ARFGEF2: variants seen among roughly 807,000 people sequenced by gnomAD.
ARFGEF2 encodes the protein brefeldin A-inhibited guanine nucleotide-exchange protein 2.
ARFGEF2 carries 74 observed loss-of-function variants against 219.9 expected under a neutral mutation model. The ratio of observed to expected loss-of-function variants is 0.34; its 90% CI spans 0.28 to 0.41. The LOEUF is 0.41. Ranked by LOEUF, ARFGEF2 falls within the 10% of genes least tolerant of loss-of-function variation. ARFGEF2 has a pLI of 1.00. For missense variants in ARFGEF2, 1,743 were observed against 2,218.3 expected, an observed-to-expected ratio of 0.79 and a Z score of 4.30; for synonymous variants, 733 against 799.2, an observed-to-expected ratio of 0.92 and a Z score of 1.40.
chr20:49,009,423 C>G (rs533140817), intron 26 of ARFGEF2, among the ~76,000 whole-genome samples: 62 of 151,276 alleles, frequency 4.1e-4, no homozygotes, highest in Non-Finnish European at 7.4e-4. Context: ...GCATTCCAGC[C>G]TGGGCAACAG....
intron 26 of ARFGEF2, among the ~76,000 whole-genome samples, chr20:49,006,061 C>T (rs1226431982): frequency 1.3e-5 from 2 of 151,922 alleles, no homozygotes; most frequent in African/African-American, 2.4e-5. Flanking sequence ...TTTGGGAGGC[C>T]GAGTCAGGTG....
intron 9 of ARFGEF2, among the ~76,000 whole-genome samples, chr20:48,970,327 T>C (rs754105777): frequency 2.0e-5 from 3 of 149,796 alleles, no homozygotes; most frequent in Non-Finnish European, 3.0e-5. Context: ...AAAATAAAAA[T>C]AGGCCGGGCG....
At chr20:49,023,631 T>C (rs6019593) in intron 35 of ARFGEF2, among the ~76,000 whole-genome samples, 54,443 of 149,672 alleles carry the variant, frequency 0.36, 10,657 homozygotes, top group African/African-American at 0.53. Flanking sequence ...CTCCGCCTCC[T>C]GGGTTCACGC....
At chr20:48,961,258 A>G (rs986490119) in intron 6 of ARFGEF2, among the ~76,000 whole-genome samples, 117 of 151,928 alleles carry the variant, frequency 7.7e-4, no homozygotes, top group African/African-American at 2.6e-3. Context: ...TTTTCTTTAT[A>G]TTCTTATTCT....
At chr20:48,922,119 C>T (rs192955390) in intron 1 of ARFGEF2, 109 bp downstream of exon 1, 1 of 1,458,410 alleles carries the variant, frequency 6.9e-7, no homozygotes, top group African/African-American at 1.4e-5. Context: ...CCCCCGATCC[C>T]GAATTCCACC....
intron 35 of ARFGEF2, among the ~76,000 whole-genome samples, chr20:49,023,698 C>A (rs1312458034): frequency 6.6e-6 from 1 of 151,452 alleles, no homozygotes; most frequent in Non-Finnish European, 1.5e-5. Flanking sequence ...GCTACCACGC[C>A]CGGCTAATTT....
intron 20 of ARFGEF2, among the ~76,000 whole-genome samples, chr20:48,990,727 T>TG (rs1189475003): frequency 2.0e-5 from 3 of 152,202 alleles, no homozygotes; most frequent in Non-Finnish European, 4.4e-5. Context: ...GCAGAATTGT[T>TG]GCAGATGTCA....
At chr20:48,951,024 C>T (rs1657555640) in intron 3 of ARFGEF2, among the ~76,000 whole-genome samples, 1 of 151,808 alleles carries the variant, frequency 6.6e-6, no homozygotes, top group Non-Finnish European at 1.5e-5. Flanking sequence ...CCACTAATCT[C>T]TCTGTCTTGA....
At chr20:48,957,282 G>T (rs1166405607) in intron 6 of ARFGEF2, among the ~76,000 whole-genome samples, 5 of 152,106 alleles carry the variant, frequency 3.3e-5, no homozygotes, top group Non-Finnish European at 5.9e-5. Flanking sequence ...CACCCTTTCT[G>T]CAAGAAAGGC....
rs143126719 is a variant in ARFGEF2, at chr20:49,001,421, C to A, written c.3432+2916C>A. Among the ~76,000 whole-genome samples, 1,043 of 152,184 alleles carry A rather than the reference C, an allele frequency of 6.9e-3. 13 individuals carry two copies. The highest frequency in any genetic ancestry group is 0.023 in the African/African-American group (954 of 41,508). ...TGAACTGGGGCACTTAAGAATCTTG[C>A]AGATTTGAAGAAATAGATATGGCTC... On this transcript the variant is annotated intron_variant, in intron 25 of 38. Coordinates refer to ENST00000371917, the MANE Select transcript of ARFGEF2 (RefSeq NM_006420.3).
chr20:48,997,933 C>G (rs1430447945), intron 23 of ARFGEF2, among the ~76,000 whole-genome samples: 3 of 152,170 alleles, frequency 2.0e-5, no homozygotes, highest in African/African-American at 7.2e-5. Flanking sequence ...TCTCGGCTTA[C>G]TGCAACTTCT....
At chr20:48,950,613 G>A (rs1453189296) in intron 3 of ARFGEF2, among the ~76,000 whole-genome samples, 2 of 150,708 alleles carry the variant, frequency 1.3e-5, no homozygotes, top group East Asian at 3.9e-4. Context: ...GAGCAATATA[G>A]CAAGACCCCA....
chr20:49,029,144 GGA>G (rs1365085532), intron 37 of ARFGEF2, among the ~76,000 whole-genome samples: 4 of 152,150 alleles, frequency 2.6e-5, no homozygotes, highest in Non-Finnish European at 5.9e-5. Context: ...CCACCAATGG[GGA>G]GAGAGTGGAA....
chr20:49,032,994 A>C (rs367792742), intron 38 of ARFGEF2, 29 bp from the exon 39 acceptor site: 9 of 1,611,310 alleles, frequency 5.6e-6, no homozygotes, highest in Non-Finnish European at 7.6e-6. Flanking sequence ...AAAATTGTCT[A>C]ATTTTATCTG....
At chr20:48,926,069 A>T (rs1733289042) in intron 1 of ARFGEF2, among the ~76,000 whole-genome samples, 1 of 152,116 alleles carries the variant, frequency 6.6e-6, no homozygotes, top group Admixed American at 6.6e-5. Context: ...CATCATTCCC[A>T]CTGAGGCCCA....
At chr20:48,925,264 C>T (rs2090869786) in intron 1 of ARFGEF2, among the ~76,000 whole-genome samples, 1 of 152,202 alleles carries the variant, frequency 6.6e-6, no homozygotes, top group Non-Finnish European at 1.5e-5. Context: ...CCCTTCCAAC[C>T]TTTATCTGGA....
At chr20:48,950,152 G>T (rs1399497091) in intron 3 of ARFGEF2, among the ~76,000 whole-genome samples, 1 of 152,126 alleles carries the variant, frequency 6.6e-6, no homozygotes, top group Admixed American at 6.6e-5. Context: ...TGTGTGTGAG[G>T]TGGCACAGAC....
At chr20:48,922,113 C>T (rs2090845826) in intron 1 of ARFGEF2, 103 bp downstream of exon 1, 3 of 1,471,824 alleles carry the variant, frequency 2.0e-6, no homozygotes, top group Admixed American at 2.2e-5. Flanking sequence ...CGCTTCCCCC[C>T]GATCCCGAAT....
chr20:48,979,908 T>C (rs1456838180), intron 14 of ARFGEF2, among the ~76,000 whole-genome samples: 1 of 151,866 alleles, frequency 6.6e-6, no homozygotes, highest in Non-Finnish European at 1.5e-5. Flanking sequence ...ATCAATTTTG[T>C]TGATCTTTTT....
Sources: allele counts gnomAD v4.1 joint callset (sites outside exome capture counted in the v4.1 genomes callset), GRCh38; gene constraint gnomAD v4.1.1; transcripts MANE v1.5; gene names NCBI Gene and HGNC (gene_info 2026-07-23, HGNC 2026-07-21).